Variants in MOBP observed in about 807,000 individuals in gnomAD.
MOBP encodes the protein myelin associated oligodendrocyte basic protein, also known as myelin-associated oligodendrocyte basic protein.
Under a neutral mutation model 15.0 loss-of-function variants are expected in MOBP, and 5 were observed. The observed-to-expected ratio is 0.33, with a 90% CI of 0.17 to 0.70. MOBP has a LOEUF of 0.70. Ranked by LOEUF, MOBP falls within the 30% of genes least tolerant of loss-of-function variation. MOBP has a pLI of 0.67. For synonymous variants in MOBP, 88 were observed against 99.0 expected, an observed-to-expected ratio of 0.89 and a Z score of 0.66; for missense variants, 188 against 257.8, an observed-to-expected ratio of 0.73 and a Z score of 1.85.
chr3:39,481,003 C>G lies in MOBP; in HGVS notation c.-5+880C>G, dbSNP rs1278863321. Among the ~76,000 whole-genome samples, 4 of 152,184 alleles carry G rather than the reference C, an allele frequency of 2.6e-5. No individual in the cohort carries two copies. The East Asian group carries it at 7.7e-4, about 29-fold the overall frequency. ...GCCCTTTCACCTCCCATTCATTTAC[C>G]TATCCATTCATCTATCACCTTTTTC... is the stretch of plus-strand genomic sequence containing the variant. On this transcript the variant is annotated intron_variant, in intron 2 of 3. Transcript: ENST00000684792.
At chr3:39,508,312 C>T (rs1340222) in intron 4 of MOBP, among the ~76,000 whole-genome samples, 46,865 of 152,018 alleles carry the variant, frequency 0.31, 9,470 homozygotes, top group African/African-American at 0.58. Flanking sequence ...TACATTTCTA[C>T]GCACATAGTC....
At chr3:39,488,749 T>C (rs568724861) in intron 2 of MOBP, among the ~76,000 whole-genome samples, 2 of 152,298 alleles carry the variant, frequency 1.3e-5, no homozygotes, top group South Asian at 4.1e-4. Context: ...CTTGCCTTAT[T>C]CTTTACAACA....
intron 4 of MOBP, among the ~76,000 whole-genome samples, chr3:39,508,884 C>T (rs2043082053): frequency 6.6e-6 from 1 of 152,020 alleles, no homozygotes; most frequent in East Asian, 1.9e-4. Context: ...CCCTAGAATC[C>T]CTTGCCTTCT....
At chr3:39,488,271 T>C (rs2042745621) in intron 2 of MOBP, among the ~76,000 whole-genome samples, 1 of 152,232 alleles carries the variant, frequency 6.6e-6, no homozygotes, top group Non-Finnish European at 1.5e-5. Context: ...TCAATCCACA[T>C]GACCAGTCAT....
intron 4 of MOBP, among the ~76,000 whole-genome samples, chr3:39,511,380 T>C (rs2043116994): frequency 2.0e-5 from 3 of 152,234 alleles, no homozygotes; most frequent in African/African-American, 7.2e-5. Flanking sequence ...TCTTTATAAT[T>C]TAACCTTTCA....
intron 2 of MOBP, among the ~76,000 whole-genome samples, chr3:39,481,450 CAAG>C (rs1295848356): frequency 6.6e-6 from 1 of 152,184 alleles, no homozygotes. Context: ...AGGTTTTTCT[CAAG>C]AATATTAATT....
In MOBP at chr3:39,480,032, A is replaced by G. The variant is rs2042605787; in HGVS notation, c.-88-8A>G. 8.0e-6 allele frequency: 1 copy of G among 125,766 alleles called. No individual in the cohort carries two copies. Among genetic ancestry groups the G allele is most frequent in the Non-Finnish European group, 1.5e-5 (1 of 64,826 alleles). 7.8% of individuals were successfully genotyped at this position (125,766 alleles called of 1,614,324 possible). ...TAACCAGAGCATATTCTACTGCTTCACTTTTAGGAAAAAAAAAAAAAGAAG... is the reference window on the plus strand; with the variant it reads ...TAACCAGAGCATATTCTACTGCTTCGCTTTTAGGAAAAAAAAAAAAAGAAG... On this transcript the variant is annotated splice_region_variant and splice_polypyrimidine_tract_variant and intron_variant, in intron 1 of 3. Coordinates refer to ENST00000684792, the MANE Select transcript of MOBP (RefSeq NM_001393704.1).
At chr3:39,501,826 T>C (rs2042973872) in intron 2 of MOBP, among the ~76,000 whole-genome samples, 1 of 152,204 alleles carries the variant, frequency 6.6e-6, no homozygotes, top group Non-Finnish European at 1.5e-5. Context: ...AGAGCCCATG[T>C]TTCTTTTTCT....
At chr3:39,479,427 T>G (rs1409251752) in intron 1 of MOBP, among the ~76,000 whole-genome samples, 1 of 151,438 alleles carries the variant, frequency 6.6e-6, no homozygotes, top group Non-Finnish European at 1.5e-5. Context: ...CCTTCTGAGA[T>G]CTGATATGTA....
chr3:39,489,031 C>G (rs2042756232), intron 2 of MOBP, among the ~76,000 whole-genome samples: 1 of 152,202 alleles, frequency 6.6e-6, no homozygotes, highest in African/African-American at 2.4e-5. Context: ...TTTCTCATGC[C>G]TTGCCCCTAG....
At chr3:39,495,630 G>A (rs1450647856) in intron 2 of MOBP, among the ~76,000 whole-genome samples, 1 of 151,362 alleles carries the variant, frequency 6.6e-6, no homozygotes, top group Non-Finnish European at 1.5e-5. Flanking sequence ...GCACGCACCT[G>A]TAGTCCCAGC....
chr3:39,472,384 T>C (rs1271771378), intron 1 of MOBP, among the ~76,000 whole-genome samples: 1 of 152,208 alleles, frequency 6.6e-6, no homozygotes, highest in Admixed American at 6.5e-5. Context: ...ATAGATTAAC[T>C]TTTTTCTCCT....
chr3:39,469,043 C>CATATGTGTGTGTATATATACATATATAT (rs2042410719), intron 1 of MOBP, among the ~76,000 whole-genome samples: 1 of 46,490 alleles, frequency 2.2e-5, no homozygotes, highest in African/African-American at 1.5e-4. Context: ...TACATATATA[C>CATATGTGTGTGTATATATACATATATAT]ATATGTGTGT....
chr3:39,509,356 G>T (rs886375821), intron 4 of MOBP, among the ~76,000 whole-genome samples: 1 of 152,056 alleles, frequency 6.6e-6, no homozygotes, highest in Non-Finnish European at 1.5e-5. Context: ...AGTAACCTGG[G>T]CTTATTGTTA....
downstream of MOBP, chr3:39,526,801 A>C (rs1575328102): frequency 1.2e-5 from 1 of 80,166 alleles, no homozygotes; most frequent in South Asian, 3.9e-4. Flanking sequence ...TTTGAGATGG[A>C]GTTTCACTCT....
At chr3:39,521,259 G>A (rs2043262471) in intron 3 of MOBP, among the ~76,000 whole-genome samples, 1 of 152,104 alleles carries the variant, frequency 6.6e-6, no homozygotes, top group Admixed American at 6.6e-5. Context: ...CCAGACAGCT[G>A]TATATTCTAA....
downstream of MOBP, among the ~76,000 whole-genome samples, chr3:39,520,575 TGAGAGAGAGAGA>T (rs10532496): frequency 4.1e-5 from 6 of 147,502 alleles, no homozygotes; most frequent in South Asian, 6.4e-4. Flanking sequence ...TGTGTGTGTA[TGAGAGAGAGAGA>T]GAGAGAGACA....
At chr3:39,525,111 C>G (rs1408139827), downstream of MOBP, 1 of 151,788 alleles carries the variant, frequency 6.6e-6, no homozygotes, top group East Asian at 1.9e-4. Flanking sequence ...TAAAACTATC[C>G]TTTTGGAAAA....
At chr3:39,468,709 T>A (rs1483195653) in intron 1 of MOBP, among the ~76,000 whole-genome samples, 1 of 136,812 alleles carries the variant, frequency 7.3e-6, no homozygotes, top group African/African-American at 3.2e-5. Context: ...TATATACATA[T>A]GTGTGTGTAT....
Sources: allele counts gnomAD v4.1 joint callset (sites outside exome capture counted in the v4.1 genomes callset), GRCh38; gene constraint gnomAD v4.1.1; transcripts MANE v1.5; gene names NCBI Gene and HGNC (gene_info 2026-07-23, HGNC 2026-07-21).